The following SLCO5A1 variants were observed in gnomAD, a reference collection of about 807,000 sequenced individuals.
SLCO5A1 encodes the protein solute carrier organic anion transporter family member 5A1.
In SLCO5A1, 39 loss-of-function variants were observed where a neutral mutation model predicts 65.1. The observed-to-expected ratio is 0.60, with a 90% CI of 0.46 to 0.78. The LOEUF is 0.78. SLCO5A1 is among the 30% of genes least tolerant of loss of function. SLCO5A1 has a pLI of 0.00. For synonymous variants in SLCO5A1, 438 were observed against 415.7 expected, an observed-to-expected ratio of 1.05 and a Z score of -0.65; for missense variants, 1,029 against 1,069.4, an observed-to-expected ratio of 0.96 and a Z score of 0.53.
At chr8:69,685,574 G>A (rs1480695768) in intron 6 of SLCO5A1, among the ~76,000 whole-genome samples, 1 of 152,266 alleles carries the variant, frequency 6.6e-6, no homozygotes, top group Non-Finnish European at 1.5e-5. Flanking sequence ...ACGGGGCCTC[G>A]ATAGCAATAC....
intron 4 of SLCO5A1, among the ~76,000 whole-genome samples, chr8:69,749,769 G>A (rs1157005088): frequency 6.6e-6 from 1 of 151,922 alleles, no homozygotes; most frequent in African/African-American, 2.4e-5. Context: ...TGTCTTCATG[G>A]AGCTTACTTT....
chr8:69,682,403 G>T (rs1813823809), intron 6 of SLCO5A1, 60 bp from the exon 7 acceptor site: 1 of 1,402,510 alleles, frequency 7.1e-7, no homozygotes, highest in Non-Finnish European at 9.4e-7. Context: ...TCATAGGAAA[G>T]GTCTTGAAAT....
rs755181191 is a variant in SLCO5A1 at position 69,676,618 on chromosome 8, G to T, written c.2080C>A (p.Arg694=). The change falls in exon 9 of 10, where the codon CGA becomes AGA. Residue 694 remains arginine, a synonymous_variant. Coordinates refer to ENST00000260126, the MANE Select transcript of SLCO5A1 (RefSeq NM_030958.3). The part of the protein sequence containing the change: ...FALGMQFVLL[R]TLAYIPTPIY... ...AAATTCAGGGACGTACCAAGTGTTC[G>T]CAACAAAACAAACTGCATTCCCAGT... The T allele has an allele frequency of 1.4e-5, 22 of 1,612,478 alleles. No individual in the cohort carries two copies. The highest frequency in any genetic ancestry group is 1.9e-5 in the Non-Finnish European group (22 of 1,179,232).
intron 7 of SLCO5A1, among the ~76,000 whole-genome samples, chr8:69,680,104 T>C (rs1219306995): frequency 6.6e-6 from 1 of 152,272 alleles, no homozygotes; most frequent in Non-Finnish European, 1.5e-5. Flanking sequence ...CCAATAATAG[T>C]GAACATCTCA....
chr8:69,802,061 C>T (rs1203363060), intron 2 of SLCO5A1, among the ~76,000 whole-genome samples: 1 of 152,076 alleles, frequency 6.6e-6, no homozygotes, highest in Non-Finnish European at 1.5e-5. Flanking sequence ...AAATGCATTT[C>T]AAAGAACATC....
chr8:69,785,434 C>CTATGA (rs1344148936), intron 2 of SLCO5A1, among the ~76,000 whole-genome samples: 1 of 152,136 alleles, frequency 6.6e-6, no homozygotes, highest in Admixed American at 6.6e-5. Flanking sequence ...ATAAGTTATT[C>CTATGA]TATGATAAAT....
intron 4 of SLCO5A1, among the ~76,000 whole-genome samples, chr8:69,743,829 CAA>C (rs1257180230): frequency 1.3e-5 from 2 of 152,282 alleles, no homozygotes; most frequent in Admixed American, 6.5e-5. Context: ...CCTATGTGAG[CAA>C]AGACTGGCCA....
At chr8:69,811,540 T>C (rs1280941001) in intron 2 of SLCO5A1, among the ~76,000 whole-genome samples, 1 of 152,140 alleles carries the variant, frequency 6.6e-6, no homozygotes, top group Non-Finnish European at 1.5e-5. Context: ...CCCACATTTC[T>C]TATGCCTCTT....
intron 5 of SLCO5A1, among the ~76,000 whole-genome samples, chr8:69,710,000 C>G (rs1179224917): frequency 6.9e-6 from 1 of 145,630 alleles, no homozygotes; most frequent in African/African-American, 2.6e-5. Flanking sequence ...TCACCAGAGT[C>G]CTGTGAAATC....
chr8:69,833,313 T>C (rs1233273914), intron 1 of SLCO5A1, 144 bp from the exon 2 acceptor site: 1 of 152,296 alleles, frequency 6.6e-6, no homozygotes, highest in Non-Finnish European at 1.5e-5. Flanking sequence ...CCCGGAGGAC[T>C]AGGCAGCAGC....
intron 2 of SLCO5A1, among the ~76,000 whole-genome samples, chr8:69,823,594 C>A (rs1264806749): frequency 6.6e-6 from 1 of 152,160 alleles, no homozygotes; most frequent in Non-Finnish European, 1.5e-5. Flanking sequence ...AATATATATG[C>A]ACCCAATACA....
At chr8:69,750,102 T>A (rs1817225670) in intron 4 of SLCO5A1, among the ~76,000 whole-genome samples, 1 of 152,172 alleles carries the variant, frequency 6.6e-6, no homozygotes, top group African/African-American at 2.4e-5. Flanking sequence ...TGAAAGGAGA[T>A]AAAGTCGAAG....
intron 5 of SLCO5A1, among the ~76,000 whole-genome samples, chr8:69,727,766 A>G (rs539192452): frequency 1.8e-4 from 28 of 152,346 alleles, no homozygotes; most frequent in Admixed American, 3.3e-4. Context: ...CATTCTTTTG[A>G]TCTTTATAAG....
chr8:69,786,563 C>T (rs1819047179), intron 2 of SLCO5A1, among the ~76,000 whole-genome samples: 1 of 152,310 alleles, frequency 6.6e-6, no homozygotes, highest in Non-Finnish European at 1.5e-5. Context: ...TTGGGTAATA[C>T]TATTCATTAG....
chr8:69,746,319 C>T (rs1293683968), intron 4 of SLCO5A1, among the ~76,000 whole-genome samples: 1 of 152,162 alleles, frequency 6.6e-6, no homozygotes, highest in African/African-American at 2.4e-5. Context: ...GGAAACCCAT[C>T]TAGTCCTTTC....
intron 6 of SLCO5A1, among the ~76,000 whole-genome samples, chr8:69,692,519 T>G (rs959482389): frequency 1.2e-4 from 19 of 152,266 alleles, no homozygotes; most frequent in Admixed American, 1.2e-3. Context: ...TTATACACTT[T>G]GTAATTATTT....
In SLCO5A1 at chr8:69,727,654, G is replaced by A. The variant is rs533955437; in HGVS notation, c.1423+10386C>T. The stretch of plus-strand genomic sequence containing the variant: ...GAGTGGAAGCCTAATAAAGTTCACC[G>A]GTTTTCACCATCATAGCACAGGCTC... On this transcript the variant is annotated intron_variant, in intron 5 of 9. Transcript: ENST00000260126. Among the ~76,000 whole-genome samples, 21 of 152,280 alleles carry A rather than the reference G, an allele frequency of 1.4e-4. No homozygotes were observed. In the South Asian group the frequency reaches 1.9e-3, roughly 14 times the overall value.
chr8:69,689,267 A>T, intron 6 of SLCO5A1, among the ~76,000 whole-genome samples: 1 of 109,236 alleles, frequency 9.2e-6, no homozygotes, highest in African/African-American at 4.2e-5. Context: ...GCTTGCGAAA[A>T]TTTTCTCCCA....
At chr8:69,732,143 G>A (rs577627114) in intron 5 of SLCO5A1, among the ~76,000 whole-genome samples, 7 of 152,208 alleles carry the variant, frequency 4.6e-5, no homozygotes, top group Non-Finnish European at 8.8e-5. Flanking sequence ...TGGCACTGCT[G>A]TAAATCACTT....
Sources: gnomAD v4.1 joint callset for allele counts (sites outside exome capture counted in the v4.1 genomes callset) on GRCh38, gnomAD v4.1.1 for gene constraint, MANE v1.5 for transcripts, NCBI Gene and HGNC (gene_info 2026-07-23, HGNC 2026-07-21) for gene names.